The following ADGRV1 variants were observed in gnomAD, a reference collection of about 807,000 sequenced individuals.
ADGRV1 encodes adhesion G protein-coupled receptor V1.
In ADGRV1, 359 loss-of-function variants were observed where a neutral mutation model predicts 596.2. The observed-to-expected ratio is 0.60, with a 90% CI of 0.55 to 0.66. The LOEUF is 0.66. Among genes scored for constraint, ADGRV1 ranks in the 30% least tolerant of loss-of-function variants. The pLI, the probability that ADGRV1 is intolerant of heterozygous loss-of-function variation, is 0.00. For missense variants in ADGRV1, 7,274 were observed against 7,575.6 expected (o/e 0.96, Z 1.48); for synonymous variants, 2,681 against 2,679.2 (o/e 1.00, Z -0.02).
At chr5:90,657,511 T>C (rs1003077160) in intron 20 of ADGRV1, among the ~76,000 whole-genome samples, 1 of 152,052 alleles carries the variant, frequency 6.6e-6, no homozygotes, top group Non-Finnish European at 1.5e-5. Context: ...TGTGCAAGAG[T>C]AAATTTTAAA....
At chr5:90,669,940 C>G (rs866280361) in intron 21 of ADGRV1, among the ~76,000 whole-genome samples, 5 of 152,004 alleles carry the variant, frequency 3.3e-5, no homozygotes, top group Non-Finnish European at 7.4e-5. Flanking sequence ...GTCCTCTTCT[C>G]CTCTCCATCT....
rs771580290 is a variant in ADGRV1, at chr5:90,851,233, G to A, written c.17205-2051G>A. On this transcript the variant is annotated intron_variant, in intron 79 of 89. Transcript: ENST00000405460. Reference sequence around the variant, plus strand: ...AGAGTGTTAAAGGTTAGAGAATAGGGCAAATAAAGAAATAGGAAAACCACA... The same window carrying A: ...AGAGTGTTAAAGGTTAGAGAATAGGACAAATAAAGAAATAGGAAAACCACA... 6.6e-4 allele frequency among the ~76,000 whole-genome samples: 99 copies of A among 151,082 alleles called. 1 individual carries two copies. Among genetic ancestry groups the A allele is most frequent in the Middle Eastern group, 3.5e-3 (1 of 288 alleles).
At chr5:91,065,131 T>C (rs1485890797) in intron 85 of ADGRV1, among the ~76,000 whole-genome samples, 1 of 152,218 alleles carries the variant, frequency 6.6e-6, no homozygotes, top group African/African-American at 2.4e-5. Context: ...TGATAAATGG[T>C]GAACAATTCT....
chr5:90,731,043 A>G (rs1193009974), intron 50 of ADGRV1, among the ~76,000 whole-genome samples: 1 of 152,210 alleles, frequency 6.6e-6, no homozygotes, highest in African/African-American at 2.4e-5. Flanking sequence ...ATATTAAGAT[A>G]CTAATTCAAG....
chr5:90,654,700 C>T (rs1358965799), intron 20 of ADGRV1: 1 of 152,062 alleles, frequency 6.6e-6, no homozygotes, highest in African/African-American at 2.4e-5. Context: ...AGAGTATTTT[C>T]CTCTGAACCT....
In ADGRV1 at chr5:90,810,397, C is replaced by G; in HGVS notation, c.15137C>G (p.Ala5046Gly). Residue 5046 changes from alanine to glycine, a missense_variant, in exon 74 of 90, where the codon GCA (alanine) becomes GGA (glycine). Around this residue, in one of 5 missense-constraint regions of ADGRV1, gnomAD observed 1,874 missense variants for 1,970.2 expected, o/e 0.95. Transcript: ENST00000405460. ...DLIKVSYQTT[A>G]GSAKPLEDFE... ...ATTAAAGTTTCTTATCAGACCACTGCAGGAAGCGCCAAGCCACTGGAAGAT... is the reference window on the plus strand; with the variant it reads ...ATTAAAGTTTCTTATCAGACCACTGGAGGAAGCGCCAAGCCACTGGAAGAT... 6.2e-7 allele frequency: 1 copy of G among 1,613,782 alleles called. No individual in the cohort carries two copies. Among genetic ancestry groups the G allele is most frequent in the East Asian group, 2.2e-5 (1 of 44,876 alleles).
In ADGRV1 at chr5:90,627,524, C is replaced by T. The variant is rs1764924376; in HGVS notation, c.986C>T (p.Thr329Ile). 1.9e-6 allele frequency: 3 copies of T among 1,613,772 alleles called. No homozygotes were observed. Among genetic ancestry groups the T allele is most frequent in the Non-Finnish European group, 2.5e-6 (3 of 1,179,816 alleles). The part of the protein sequence containing the change: ...NLDFIDLQPN[T>I]TVVFPPFIHE... ...GACTTCATTGATCTTCAGCCAAACA[C>T]AACTGTTGTTTTTCCACCTTTTATT... The change falls in exon 7 of 90, where the codon ACA (threonine) becomes ATA (isoleucine). Residue 329 changes from threonine (T) to isoleucine (I), a missense_variant. Physicochemically the swap from Thr to Ile is moderately conservative, Grantham distance 89. Transcript: ENST00000405460.
At position 91,153,396 on chromosome 5, in the gene ADGRV1, C is replaced by T. The variant is rs760908085; in HGVS notation, c.18800C>T (p.Thr6267Ile). The T allele has an allele frequency of 2.1e-5, 33 of 1,599,076 alleles. No individual in the cohort carries two copies. The highest frequency in any genetic ancestry group is 3.4e-5 in the Admixed American group (2 of 58,466). ...GATGATTTAATATTTGCATTAAAAA[C>T]TGGTATGTATGAACCCATGAACGAC... ...EFDDLIFALK[T>I]GAGLSVSDNE... Residue 6267 changes from threonine to isoleucine, a missense_variant and splice_region_variant, in exon 89 of 90, where the codon ACT becomes ATT. Thr to Ile is a moderately conservative substitution (Grantham distance 89). Transcript: ENST00000405460.
chr5:90,944,406 A>G (rs1776404933), intron 83 of ADGRV1, among the ~76,000 whole-genome samples: 1 of 152,180 alleles, frequency 6.6e-6, no homozygotes, highest in African/African-American at 2.4e-5. Flanking sequence ...TTGAAGAAAA[A>G]GAGGAAAAAA....
rs2151198603 is a variant in ADGRV1, at chr5:91,024,477, G to A, written c.18152+38955G>A. ...ATCCTCTGTAAGTCAGCATTGATTTGTTTCTCTTCTGGGATTCAGTTAAAA... is the reference window on the plus strand; with the variant it reads ...ATCCTCTGTAAGTCAGCATTGATTTATTTCTCTTCTGGGATTCAGTTAAAA... On this transcript the variant is annotated intron_variant, in intron 85 of 89. Transcript: ENST00000405460. Among the ~76,000 whole-genome samples the A allele has an allele frequency of 2.6e-5, 4 of 152,096 alleles. No individual in the cohort carries two copies. In the South Asian group the frequency reaches 8.3e-4, roughly 32 times the overall value.
In ADGRV1 at chr5:90,896,267, G is replaced by GTTTTTTTT. The variant is rs547252109; in HGVS notation, c.17856+32424_17856+32431dup. On this transcript the variant is annotated intron_variant, in intron 83 of 89. Coordinates refer to ENST00000405460, the MANE Select transcript of ADGRV1 (RefSeq NM_032119.4). ...AAATCTGATATTACGGTGACCAGTG[G>GTTTTTTTT]TTTTTTTTTTTTTTTTTTTTTGAGA... Among the ~76,000 whole-genome samples the GTTTTTTTT allele has an allele frequency of 3.5e-5, 3 of 84,878 alleles. 1 individual carries two copies. Among genetic ancestry groups the GTTTTTTTT allele is most frequent in the Non-Finnish European group, 6.2e-5 (3 of 48,238 alleles). 55.7% of individuals were successfully genotyped at this position (84,878 alleles called of 152,430 possible).
chr5:90,934,272 C>T (rs1166017843), intron 83 of ADGRV1, among the ~76,000 whole-genome samples: 1 of 152,170 alleles, frequency 6.6e-6, no homozygotes, highest in African/African-American at 2.4e-5. Flanking sequence ...TATCTTCATT[C>T]TGCTTATAAT....
intron 50 of ADGRV1, among the ~76,000 whole-genome samples, chr5:90,734,961 T>A (rs781530161): frequency 6.6e-6 from 1 of 152,252 alleles, no homozygotes; most frequent in Non-Finnish European, 1.5e-5. Flanking sequence ...GGGTTTAAAA[T>A]GTTTTTTCCC....
In ADGRV1 at chr5:90,627,080, A is replaced by G. The variant is rs545397773; in HGVS notation, c.673-131A>G. On this transcript the variant is annotated intron_variant, in intron 6 of 89. Transcript: ENST00000405460. ...AATTGGAGACTAAACAAGCCTTTCT[A>G]TTTGCTCCCTCAGTTAAAGAATTTT... The G allele has an allele frequency of 2.9e-4, 153 of 525,422 alleles. 1 individual carries two copies. The East Asian group carries it at 4.5e-3, about 16-fold the overall frequency. The allele number at this position is 525,422 out of a possible 1,614,324, so 32.5% of individuals were successfully genotyped here.
chr5:90,714,284 T>C (rs967268651), intron 42 of ADGRV1, among the ~76,000 whole-genome samples: 1 of 152,034 alleles, frequency 6.6e-6, no homozygotes, highest in African/African-American at 2.4e-5. Context: ...TTGTTTTTTT[T>C]TTACTTTGTG....
chr5:90,676,209 G>A lies in ADGRV1; in HGVS notation c.5443G>A (p.Val1815Ile), dbSNP rs1303889459. The A allele has an allele frequency of 6.3e-7, 1 of 1,598,838 alleles. No individual in the cohort carries two copies. The highest frequency in any genetic ancestry group is 1.4e-5 in the African/African-American group (1 of 74,002). ...KVELLNLEGG[V>I]AELFRVDGSG... Reference sequence around the variant, plus strand: ...TGAGTTGTTAAACTTGGAAGGAGGAGGTAAGGCTGGTGATTCAAAAATGTT... The same window carrying A: ...TGAGTTGTTAAACTTGGAAGGAGGAAGTAAGGCTGGTGATTCAAAAATGTT... The change falls in exon 25 of 90, where the codon GTA becomes ATA. Residue 1815 changes from valine (V) to isoleucine (I), a missense_variant and splice_region_variant. By Grantham distance (29) the Val-to-Ile change is conservative. Transcript: ENST00000405460.
At chr5:90,704,186 A>T (rs1428555320) in intron 35 of ADGRV1, among the ~76,000 whole-genome samples, 1 of 152,162 alleles carries the variant, frequency 6.6e-6, no homozygotes, top group Non-Finnish European at 1.5e-5. Flanking sequence ...AGCATTCAAG[A>T]TCTTCCACAA....
chr5:90,861,131 T>C (rs1437057463), intron 82 of ADGRV1, among the ~76,000 whole-genome samples: 1 of 152,140 alleles, frequency 6.6e-6, no homozygotes, highest in Non-Finnish European at 1.5e-5. Flanking sequence ...ACCGAATCTC[T>C]AATCCACATA....
At chr5:90,626,905 C>T (rs1344198076) in intron 6 of ADGRV1, among the ~76,000 whole-genome samples, 1 of 152,146 alleles carries the variant, frequency 6.6e-6, no homozygotes, top group Non-Finnish European at 1.5e-5. Context: ...AAATGTATGA[C>T]AGTTTTTTAC....
Sources: gnomAD v4.1 joint callset for allele counts (sites outside exome capture counted in the v4.1 genomes callset) on GRCh38, gnomAD v4.1.1 for gene constraint, gnomAD v4.1.1 regional missense constraint, MANE v1.5 for transcripts, NCBI Gene and HGNC (gene_info 2026-07-23, HGNC 2026-07-21) for gene names.